Variants in ZNF420 observed in about 807,000 individuals in gnomAD.
ZNF420 encodes ATM and p53-associated KZNF protein.
A neutral mutation model predicts 44.7 loss-of-function variants in ZNF420; 31 were observed. The observed-to-expected ratio is 0.69, with a 90% CI of 0.52 to 0.94. ZNF420 has a LOEUF of 0.94. ZNF420 is among the 40% of genes least tolerant of loss of function. The probability of loss-of-function intolerance (pLI) is 0.00; values close to 1 mark genes in which losing one functional copy is unlikely to be tolerated. For missense variants in ZNF420, 681 were observed against 827.9 expected (o/e 0.82, Z 2.18); for synonymous variants, 245 against 267.4 (o/e 0.92, Z 0.82).
intron 1 of ZNF420, among the ~76,000 whole-genome samples, chr19:37,030,514 C>T (rs1174401009): frequency 1.3e-5 from 2 of 152,174 alleles, no homozygotes; most frequent in Non-Finnish European, 2.9e-5. Flanking sequence ...TAAGTAAGGT[C>T]ATGCAATATT....
chr19:37,091,026 A>C lies in ZNF420; in HGVS notation c.41A>C (p.Asp14Ala). 6.2e-7 allele frequency: 1 copy of C among 1,613,514 alleles called. No homozygotes were observed. Among genetic ancestry groups the C allele is most frequent in the Non-Finnish European group, 8.5e-7 (1 of 1,179,826 alleles). ...GTGATGTTCAGGGATGTTGCCATTG[A>C]CTTCTCTCAGGAAGAGTGGGAATGC... ...KLVMFRDVAIDFSQEEWECLD... is the reference protein window; with the variant it reads ...KLVMFRDVAIAFSQEEWECLD... Residue 14 changes from aspartate to alanine, a missense_variant, in exon 4 of 5, where the codon GAC (aspartate) becomes GCC (alanine). Transcript: ENST00000337995.
Position 37,127,910 on chromosome 19 carries a change from T to C in ZNF420, c.919T>C (p.Tyr307His). 6.2e-7 allele frequency: 1 copy of C among 1,614,122 alleles called. No homozygotes were observed. Among genetic ancestry groups the C allele is most frequent in the Non-Finnish European group, 8.5e-7 (1 of 1,179,982 alleles). Reference sequence around the variant, plus strand: ...GAGAATTCATACCGGTGAGAAACCCTATGAATGTAAGGAATGTGGAAAAGC... The same window carrying C: ...GAGAATTCATACCGGTGAGAAACCCCATGAATGTAAGGAATGTGGAAAAGC... Reference protein sequence around the residue: ...HKRIHTGEKPYECKECGKAFI... With the variant: ...HKRIHTGEKPHECKECGKAFI... Residue 307 changes from tyrosine to histidine, a missense_variant, in exon 5 of 5, where the codon TAT (tyrosine) becomes CAT (histidine). By Grantham distance (83) the Tyr-to-His change is moderately conservative. Around this residue, in one of 3 missense-constraint regions of ZNF420, gnomAD observed 350 missense variants for 382.5 expected, o/e 0.92. Coordinates refer to ENST00000337995, the MANE Select transcript of ZNF420 (RefSeq NM_144689.5).
In ZNF420 at chr19:37,130,245, TG is replaced by T. The variant is rs572089814; in HGVS notation, c.*1189del. 1.3e-6 allele frequency: 2 copies of T among 1,527,988 alleles called. No individual in the cohort carries two copies. The highest frequency in any genetic ancestry group is 5.0e-5 in the East Asian group (2 of 40,020). The allele number at this position is 1,527,988 out of a possible 1,614,324, so 94.7% of individuals were successfully genotyped here. On this transcript the variant is annotated 3_prime_UTR_variant, in exon 5 of 5. Coordinates refer to ENST00000337995, the MANE Select transcript of ZNF420 (RefSeq NM_144689.5). ...GGAGTCTGCAACCCTGATGACTTTG[TG>T]GAACAGCCATACTAGCTCTGGTCTG... is the stretch of plus-strand genomic sequence containing the variant.
intron 2 of ZNF420, among the ~76,000 whole-genome samples, chr19:37,080,933 C>T (rs7257320): frequency 0.56 from 84,875 of 151,154 alleles, 25,348 homozygotes; most frequent in African/African-American, 0.76. Flanking sequence ...GGTGGATGCA[C>T]ATAGTCCCAG....
chr19:37,034,509 A>AT (rs998781072), intron 1 of ZNF420, among the ~76,000 whole-genome samples: 7 of 151,972 alleles, frequency 4.6e-5, no homozygotes, highest in African/African-American at 1.7e-4. Context: ...CAATTTGCTT[A>AT]TTTTTTTCTT....
chr19:37,130,282 G>GT lies in ZNF420; in HGVS notation c.*1227dup. 7.1e-7 allele frequency: 1 copy of GT among 1,408,954 alleles called. No homozygotes were observed. The highest frequency in any genetic ancestry group is 9.3e-7 in the Non-Finnish European group (1 of 1,077,048). 87.3% of individuals were successfully genotyped at this position (1,408,954 alleles called of 1,614,324 possible). A position where few individuals can be genotyped will look rare whatever the true frequency, so the allele number is the denominator to read the frequency against. On this transcript the variant is annotated 3_prime_UTR_variant, in exon 5 of 5. Transcript: ENST00000337995. ...ACTAGCTCTGGTCTGCTTGCCTCCT[G>GT]TTTCTCTTTAAATAAAATTAAACAT...
chr19:37,094,549 A>C (rs1969331866), intron 4 of ZNF420, among the ~76,000 whole-genome samples: 1 of 152,176 alleles, frequency 6.6e-6, no homozygotes, highest in Non-Finnish European at 1.5e-5. Flanking sequence ...ATATTTATTC[A>C]GTCCACATAC....
chr19:37,061,527 A>G (rs1227594919), intron 1 of ZNF420, among the ~76,000 whole-genome samples: 1 of 152,212 alleles, frequency 6.6e-6, no homozygotes, highest in African/African-American at 2.4e-5. Flanking sequence ...GGGGACAAGT[A>G]CCAGTTAAGA....
chr19:37,122,127 G>A (rs1971080605), intron 4 of ZNF420, among the ~76,000 whole-genome samples: 1 of 152,098 alleles, frequency 6.6e-6, no homozygotes, highest in South Asian at 2.1e-4. Flanking sequence ...ATACCCAAAG[G>A]ACTATATATC....
At chr19:37,088,933 G>A in intron 2 of ZNF420, 106 bp from the exon 3 acceptor site, 1 of 611,368 alleles carries the variant, frequency 1.6e-6, no homozygotes, top group Non-Finnish European at 3.0e-6. Context: ...TGTGTGTTTT[G>A]GGGGTGGGAG....
intron 1 of ZNF420, among the ~76,000 whole-genome samples, chr19:37,008,589 C>T (rs990004692): frequency 6.6e-6 from 1 of 152,158 alleles, no homozygotes. Flanking sequence ...TTTAAGTCCG[C>T]GAGACTCTTC....
intron 1 of ZNF420, among the ~76,000 whole-genome samples, chr19:37,037,338 G>A (rs375219473): frequency 7.2e-5 from 11 of 152,204 alleles, no homozygotes; most frequent in African/African-American, 2.7e-4. Context: ...TCCTCTTGCC[G>A]AGATGGATGG....
At chr19:37,043,129 A>G (rs146031147) in intron 1 of ZNF420, among the ~76,000 whole-genome samples, 148 of 152,344 alleles carry the variant, frequency 9.7e-4, no homozygotes, top group African/African-American at 3.5e-3. Context: ...AGTAATAGTA[A>G]TCGAAAAGTT....
chr19:37,028,287 T>G (rs2551065), intron 1 of ZNF420, among the ~76,000 whole-genome samples: 3,679 of 152,288 alleles, frequency 0.024, 162 homozygotes, highest in African/African-American at 0.083. Flanking sequence ...GAAGCTGCAG[T>G]CAGGGATGAT....
chr19:37,019,769 CA>C (rs55854312), intron 1 of ZNF420, among the ~76,000 whole-genome samples: 30 of 141,666 alleles, frequency 2.1e-4, no homozygotes, highest in South Asian at 4.5e-4. Context: ...TCATCTGTCA[CA>C]AAAAAAAAAA....
chr19:37,087,563 A>C (rs1393790527), intron 2 of ZNF420, among the ~76,000 whole-genome samples: 2 of 152,270 alleles, frequency 1.3e-5, no homozygotes, highest in East Asian at 3.9e-4. Flanking sequence ...AGGGGCAGTT[A>C]TTCTCCCTAG....
At chr19:37,034,501 A>G (rs764181670) in intron 1 of ZNF420, among the ~76,000 whole-genome samples, 1 of 152,156 alleles carries the variant, frequency 6.6e-6, no homozygotes, top group African/African-American at 2.4e-5. Context: ...ATGAAGTCCA[A>G]TTTGCTTATT....
At chr19:37,121,672 A>AT (rs1156321072) in intron 4 of ZNF420, among the ~76,000 whole-genome samples, 1 of 152,202 alleles carries the variant, frequency 6.6e-6, no homozygotes, top group Non-Finnish European at 1.5e-5. Flanking sequence ...AGAAACTACC[A>AT]TCAGAGTGAA....
chr19:37,052,666 C>T (rs1055866947), intron 1 of ZNF420, among the ~76,000 whole-genome samples: 2 of 152,148 alleles, frequency 1.3e-5, no homozygotes, highest in Non-Finnish European at 2.9e-5. Flanking sequence ...AAATTCTTTT[C>T]TTTAAGAATG....
Sources: gnomAD v4.1 joint callset for allele counts (sites outside exome capture counted in the v4.1 genomes callset) on GRCh38, gnomAD v4.1.1 for gene constraint, gnomAD v4.1.1 regional missense constraint, MANE v1.5 for transcripts, NCBI Gene and HGNC (gene_info 2026-07-23, HGNC 2026-07-21) for gene names.